MYO16: variants seen among roughly 807,000 people sequenced by gnomAD.
The protein encoded by MYO16 is myosin XVI, also known as unconventional myosin-XVI.
Under a neutral mutation model 205.3 loss-of-function variants are expected in MYO16, and 94 were observed. The ratio of observed to expected loss-of-function variants is 0.46; its 90% CI spans 0.39 to 0.54. The LOEUF is 0.54. Among genes scored for constraint, MYO16 ranks in the 20% least tolerant of loss-of-function variants. The pLI, the probability that MYO16 is intolerant of heterozygous loss-of-function variation, is 0.00. For missense variants in MYO16, 2,315 were observed against 2,387.5 expected, an observed-to-expected ratio of 0.97 and a Z score of 0.63; for synonymous variants, 988 against 954.0, an observed-to-expected ratio of 1.04 and a Z score of -0.66.
At chr13:108,740,614 C>T (rs989785044) in intron 4 of MYO16, among the ~76,000 whole-genome samples, 1 of 152,144 alleles carries the variant, frequency 6.6e-6, no homozygotes, top group African/African-American at 2.4e-5. Flanking sequence ...TCTGTCCGTT[C>T]TCAGATCTCA....
chr13:108,927,457 C>T (rs1882062133), intron 16 of MYO16, among the ~76,000 whole-genome samples: 1 of 152,076 alleles, frequency 6.6e-6, no homozygotes, highest in Non-Finnish European at 1.5e-5. Flanking sequence ...TCTCACATGC[C>T]CTGCTGAGGA....
chr13:108,548,747 C>A, the MYO16 span, among the ~76,000 whole-genome samples: 10 of 152,092 alleles, frequency 6.6e-5, no homozygotes, highest in South Asian at 2.1e-3. Flanking sequence ...TAAATACACT[C>A]ACTTCAGCTG....
chr13:108,789,908 G>A (rs1015164157), intron 5 of MYO16, among the ~76,000 whole-genome samples: 3 of 152,178 alleles, frequency 2.0e-5, no homozygotes, highest in South Asian at 2.1e-4. Context: ...AGGCATATGC[G>A]GATCTTATAA....
chr13:108,505,376 G>A, the MYO16 span, among the ~76,000 whole-genome samples: 1 of 152,138 alleles, frequency 6.6e-6, no homozygotes, highest in Non-Finnish European at 1.5e-5. Flanking sequence ...CCTAACAAGT[G>A]TAAGGTCATA....
At chr13:109,161,637 G>A (rs552903736) in intron 32 of MYO16, among the ~76,000 whole-genome samples, 3 of 152,240 alleles carry the variant, frequency 2.0e-5, no homozygotes, top group Admixed American at 1.3e-4. Flanking sequence ...TATGCCTTAC[G>A]TTAAGAAGGG....
At chr13:108,504,450 T>C in the MYO16 span, among the ~76,000 whole-genome samples, 2 of 151,494 alleles carry the variant, frequency 1.3e-5, no homozygotes, top group East Asian at 3.9e-4. Flanking sequence ...GTGTTAATCT[T>C]GCAAAGCCGA....
Position 108,936,269 on chromosome 13 carries a change from T to C in MYO16, c.1926-21419T>C, listed in dbSNP as rs1882487883. The stretch of plus-strand genomic sequence containing the variant: ...TTAGAAAGAAGTCCTTCCTCACCAA[T>C]TTTTTCTATAGTTTCATTAGAATTG... On this transcript the variant is annotated intron_variant, in intron 16 of 34. Coordinates refer to ENST00000457511, the MANE Select transcript of MYO16 (RefSeq NM_001198950.3). 2.6e-5 allele frequency among the ~76,000 whole-genome samples: 4 copies of C among 152,160 alleles called. No homozygotes were observed. In the Middle Eastern group the frequency reaches 0.014, roughly 518 times the overall value.
intron 16 of MYO16, among the ~76,000 whole-genome samples, chr13:108,932,526 A>G (rs1882302533): frequency 6.6e-6 from 1 of 152,214 alleles, no homozygotes; most frequent in Non-Finnish European, 1.5e-5. Flanking sequence ...CCATAAATAC[A>G]TTCATTAAAT....
intron 12 of MYO16, 42 bp downstream of exon 12, chr13:108,866,284 A>G: frequency 2.3e-6 from 3 of 1,315,130 alleles, no homozygotes; most frequent in Non-Finnish European, 3.2e-6. Context: ...ATGTAGAGTA[A>G]TACTTTCTAG....
the MYO16 span, among the ~76,000 whole-genome samples, chr13:108,555,337 T>G: frequency 6.6e-6 from 1 of 152,204 alleles, no homozygotes; most frequent in Non-Finnish European, 1.5e-5. Flanking sequence ...AAATAAAAAT[T>G]GAATGTGTTC....
the MYO16 span, among the ~76,000 whole-genome samples, chr13:108,560,177 T>A: frequency 2.0e-5 from 3 of 152,224 alleles, no homozygotes; most frequent in African/African-American, 7.2e-5. Context: ...AAGAGTAAGC[T>A]AAGATGAAAG....
At chr13:108,869,518 A>G (rs1402984295) in intron 12 of MYO16, among the ~76,000 whole-genome samples, 1 of 151,214 alleles carries the variant, frequency 6.6e-6, no homozygotes, top group Non-Finnish European at 1.5e-5. Context: ...AGGTCAGGAG[A>G]TCGAGACCAT....
At chr13:108,703,305 A>G (rs1312100937) in intron 2 of MYO16, among the ~76,000 whole-genome samples, 5 of 152,210 alleles carry the variant, frequency 3.3e-5, no homozygotes, top group Non-Finnish European at 7.4e-5. Flanking sequence ...ACTTTAATGT[A>G]AAAATTGTTA....
chr13:108,941,398 C>T (rs1470697458), intron 16 of MYO16, among the ~76,000 whole-genome samples: 3 of 152,046 alleles, frequency 2.0e-5, no homozygotes, highest in South Asian at 2.1e-4. Context: ...AAAATCACCC[C>T]GACAAGAATG....
intron 32 of MYO16, among the ~76,000 whole-genome samples, chr13:109,155,865 G>A (rs1877988592): frequency 6.6e-6 from 1 of 152,166 alleles, no homozygotes; most frequent in African/African-American, 2.4e-5. Context: ...TTTCAGATTA[G>A]CCTCTGTGGT....
chr13:108,571,196 C>T, the MYO16 span, among the ~76,000 whole-genome samples: 1 of 151,040 alleles, frequency 6.6e-6, no homozygotes, highest in Admixed American at 6.6e-5. Context: ...TCTCTGTGAA[C>T]TGTGGAAACC....
chr13:108,593,481 G>A (rs376327770), upstream of MYO16, among the ~76,000 whole-genome samples: 363 of 152,240 alleles, frequency 2.4e-3, 2 homozygotes, highest in African/African-American at 8.3e-3. Context: ...CACCACCCAC[G>A]GCAGGACGGT....
At chr13:108,693,821 A>G (rs1270520526) in intron 2 of MYO16, among the ~76,000 whole-genome samples, 1 of 152,184 alleles carries the variant, frequency 6.6e-6, no homozygotes, top group East Asian at 1.9e-4. Flanking sequence ...TATAAAGCCT[A>G]GTACCTAGTA....
chr13:108,677,893 C>T (rs527761852), intron 2 of MYO16, among the ~76,000 whole-genome samples: 1 of 152,140 alleles, frequency 6.6e-6, no homozygotes, highest in African/African-American at 2.4e-5. Context: ...CTGGTATAAA[C>T]CTAGAGTTTT....
Sources: gnomAD v4.1 joint callset for allele counts (sites outside exome capture counted in the v4.1 genomes callset) on GRCh38, gnomAD v4.1.1 for gene constraint, MANE v1.5 for transcripts, NCBI Gene and HGNC (gene_info 2026-07-23, HGNC 2026-07-21) for gene names.